Variants in USP30 observed in about 807,000 individuals in gnomAD.
USP30 encodes ubiquitin carboxyl-terminal hydrolase 30.
A neutral mutation model predicts 68.2 loss-of-function variants in USP30; 41 were observed. That is an observed-to-expected ratio of 0.60 (90% CI 0.47 to 0.78). The LOEUF is 0.78. Ranked by LOEUF, USP30 falls within the 30% of genes least tolerant of loss-of-function variation. USP30 has a pLI of 0.00. For synonymous variants in USP30, 229 were observed against 253.7 expected (o/e 0.90, Z 0.93); for missense variants, 522 against 649.4 (o/e 0.80, Z 2.13).
chr12:109,063,009 G>A (rs2041126805), intron 3 of USP30, among the ~76,000 whole-genome samples: 2 of 151,994 alleles, frequency 1.3e-5, no homozygotes, highest in African/African-American at 4.8e-5. Context: ...TCACCCTTTT[G>A]TAACTGGCTT....
In USP30 at chr12:109,084,935, G is replaced by A. The variant is rs775741393; in HGVS notation, c.1169-18G>A. 7.1e-6 allele frequency: 11 copies of A among 1,552,660 alleles called. No individual in the cohort carries two copies. The South Asian group carries it at 1.3e-4, about 19-fold the overall frequency. On this transcript the variant is annotated intron_variant, in intron 11 of 12. Transcript: ENST00000257548. ...GCCACTGCTAATTTTCATTGACTCG[G>A]GCCTTTTTCTCTTGCAGTTCTGAAT...
chr12:109,060,433 G>A (rs964135681), intron 3 of USP30, among the ~76,000 whole-genome samples: 38 of 152,094 alleles, frequency 2.5e-4, no homozygotes, highest in African/African-American at 8.7e-4. Context: ...TGTGAGCTCT[G>A]CTTGACACAG....
chr12:109,057,496 A>C (rs1375135870), intron 2 of USP30, among the ~76,000 whole-genome samples: 1 of 152,232 alleles, frequency 6.6e-6, no homozygotes, highest in Non-Finnish European at 1.5e-5. Context: ...TTGTTAAGAT[A>C]AGAACAGAAT....
At chr12:109,034,907 G>A (rs1474059921) in intron 3 of USP30, among the ~76,000 whole-genome samples, 1 of 151,908 alleles carries the variant, frequency 6.6e-6, no homozygotes, top group African/African-American at 2.4e-5. Context: ...TTGTCTCAAA[G>A]TCTATTTTGT....
Position 109,085,647 on chromosome 12 carries a change from C to T in USP30, c.1290-20C>T. The T allele has an allele frequency of 2.5e-6, 4 of 1,611,402 alleles. No individual in the cohort carries two copies. Among genetic ancestry groups the T allele is most frequent in the Non-Finnish European group, 3.4e-6 (4 of 1,177,852 alleles). ...TTTTGTTAAAATTGTAAACCCCTGACATGTGTTCGTATCATTCAGCTCCTC... is the reference window on the plus strand; with the variant it reads ...TTTTGTTAAAATTGTAAACCCCTGATATGTGTTCGTATCATTCAGCTCCTC... On this transcript the variant is annotated intron_variant, in intron 12 of 12. Coordinates refer to ENST00000257548, the MANE Select transcript of USP30 (RefSeq NM_032663.5).
At position 109,035,346 on chromosome 12, in the gene USP30, ATTTATTTTAT is replaced by A. The variant is rs201681439; in HGVS notation, c.-136+7808_-136+7817del. ...TTACCATTACCATTTCAATTTGTTTATTTATTTTATTTTATTTTATTTTATTTATTTATTT... is the reference window on the plus strand; with the variant it reads ...TTACCATTACCATTTCAATTTGTTTATTTATTTTATTTTATTTATTTATTT... On this transcript the variant is annotated intron_variant, in intron 3 of 15. Coordinates refer to the USP30 transcript ENST00000392784. Among the ~76,000 whole-genome samples, 236 of 150,804 alleles carry A rather than the reference ATTTATTTTAT, an allele frequency of 1.6e-3. 4 individuals are homozygous for A. Among genetic ancestry groups the A allele is most frequent in the Non-Finnish European group, 1.5e-4 (10 of 67,632 alleles).
chr12:109,046,466 C>A (rs770150614), intron 3 of USP30, among the ~76,000 whole-genome samples: 2 of 151,576 alleles, frequency 1.3e-5, no homozygotes, highest in African/African-American at 2.4e-5. Context: ...TGGATGAGGC[C>A]CACCCACTAT....
chr12:109,056,673 C>G lies in USP30; in HGVS notation c.84-9C>G. On this transcript the variant is annotated splice_polypyrimidine_tract_variant and intron_variant, in intron 1 of 12. Coordinates refer to ENST00000257548, the MANE Select transcript of USP30 (RefSeq NM_032663.5). ...TGAGGGAAGACAGTAAACTTGTTTT[C>G]TTTTTTAGATATAAAGTCATGAAGA... The G allele has an allele frequency of 6.3e-7, 1 of 1,594,362 alleles. No homozygotes were observed. Among genetic ancestry groups the G allele is most frequent in the Non-Finnish European group, 8.5e-7 (1 of 1,170,712 alleles).
chr12:109,059,641 G>A (rs986578678), intron 3 of USP30, among the ~76,000 whole-genome samples: 3 of 152,116 alleles, frequency 2.0e-5, no homozygotes, highest in African/African-American at 7.2e-5. Context: ...AGCCTCCCTA[G>A]TATCTGGGAT....
rs568287766 is a variant in USP30, at chr12:109,067,821, T to C, written c.480+194T>C. Among the ~76,000 whole-genome samples, 3 of 152,232 alleles carry C rather than the reference T, an allele frequency of 2.0e-5. No homozygotes were observed. In the South Asian group the frequency reaches 6.2e-4, roughly 32 times the overall value. On this transcript the variant is annotated intron_variant, in intron 4 of 12. Coordinates refer to ENST00000257548, the MANE Select transcript of USP30 (RefSeq NM_032663.5). ...GGAGATACAGCTGTTTTTCACTCAG[T>C]GGATGGAAGGTTAGCAGGATGGGAC... is the stretch of plus-strand genomic sequence containing the variant.
At chr12:109,060,398 C>T (rs895979893) in intron 3 of USP30, among the ~76,000 whole-genome samples, 3 of 152,170 alleles carry the variant, frequency 2.0e-5, no homozygotes, top group Non-Finnish European at 4.4e-5. Flanking sequence ...TCAGCTAAAT[C>T]GTGCTTCACT....
intron 3 of USP30, among the ~76,000 whole-genome samples, chr12:109,042,689 A>G (rs1160060251): frequency 6.6e-6 from 1 of 152,218 alleles, no homozygotes; most frequent in African/African-American, 2.4e-5. Flanking sequence ...AAAATCAGGA[A>G]CAAGATAAGG....
chr12:109,031,501 T>A (rs1433315), intron 3 of USP30, among the ~76,000 whole-genome samples: 35,179 of 152,130 alleles, frequency 0.23, 4,272 homozygotes, highest in Middle Eastern at 0.35. Context: ...CTCCTAGGTA[T>A]ATACAAAAAG....
rs111228397 is a variant in USP30 at position 109,030,614 on chromosome 12, CTTGT to C, written c.-136+3073_-136+3076del. ...GACACACACACAAAAAGGTAGGTTG[CTTGT>C]TTGTTTGTTTGTTTTTTGAGACGGA... On this transcript the variant is annotated intron_variant, in intron 3 of 15. Coordinates refer to the USP30 transcript ENST00000392784. 3.8e-3 allele frequency among the ~76,000 whole-genome samples: 579 copies of C among 152,170 alleles called. 5 individuals carry two copies. The highest frequency in any genetic ancestry group is 0.013 in the African/African-American group (552 of 41,526).
chr12:109,075,798 T>TGTTCA (rs2041583830), intron 7 of USP30, among the ~76,000 whole-genome samples: 1 of 152,016 alleles, frequency 6.6e-6, no homozygotes, highest in African/African-American at 2.4e-5. Context: ...TTGCAAAGTG[T>TGTTCA]CTGTTCAGCT....
chr12:109,078,150 G>T (rs1003787682), intron 7 of USP30, among the ~76,000 whole-genome samples: 2 of 152,058 alleles, frequency 1.3e-5, no homozygotes, highest in Admixed American at 1.3e-4. Context: ...CACCAGCCAG[G>T]TGCTGTGGCT....
chr12:109,046,712 G>A (rs143172617), intron 3 of USP30, among the ~76,000 whole-genome samples: 3 of 151,878 alleles, frequency 2.0e-5, no homozygotes, highest in African/African-American at 7.2e-5. Flanking sequence ...TGTTGTTGTT[G>A]TTGAAATGGA....
At chr12:109,075,166 C>T (rs1251445594) in intron 7 of USP30, among the ~76,000 whole-genome samples, 1 of 152,160 alleles carries the variant, frequency 6.6e-6, no homozygotes. Context: ...GATTGTTTTG[C>T]AGATGTATCT....
chr12:109,069,917 T>C (rs1479890291), intron 4 of USP30, among the ~76,000 whole-genome samples: 3 of 151,924 alleles, frequency 2.0e-5, no homozygotes, highest in South Asian at 4.1e-4. Context: ...GAAGCTAGGG[T>C]ATAAGTCTGG....
Sources: allele counts gnomAD v4.1 joint callset (sites outside exome capture counted in the v4.1 genomes callset), GRCh38; gene constraint gnomAD v4.1.1; transcripts MANE v1.5; gene names NCBI Gene and HGNC (gene_info 2026-07-23, HGNC 2026-07-21).